The following GPC5 variants were observed in gnomAD, a reference collection of about 807,000 sequenced individuals.
GPC5 encodes glypican 5.
A neutral mutation model predicts 53.9 loss-of-function variants in GPC5; 47 were observed. That is an observed-to-expected ratio of 0.87 (90% CI 0.69 to 1.11). The LOEUF is 1.11. Among genes scored for constraint, GPC5 ranks in the 50% most tolerant of loss-of-function variants. The pLI is 0.00. For synonymous variants in GPC5, 286 were observed against 263.3 expected (o/e 1.09, Z -0.84); for missense variants, 748 against 713.1 (o/e 1.05, Z -0.56).
At chr13:91,548,895 A>G (rs1419450576) in intron 2 of GPC5, among the ~76,000 whole-genome samples, 1 of 152,158 alleles carries the variant, frequency 6.6e-6, no homozygotes, top group Non-Finnish European at 1.5e-5. Context: ...CTGGACATCC[A>G]CATGTGGAAA....
At chr13:92,420,801 T>C (rs1876523787) in intron 7 of GPC5, among the ~76,000 whole-genome samples, 1 of 152,204 alleles carries the variant, frequency 6.6e-6, no homozygotes, top group Non-Finnish European at 1.5e-5. Context: ...GGTCTATCCA[T>C]GTTGTTGGAA....
chr13:92,773,675 A>G (rs1196693295), intron 7 of GPC5, among the ~76,000 whole-genome samples: 2 of 152,186 alleles, frequency 1.3e-5, no homozygotes, highest in African/African-American at 4.8e-5. Flanking sequence ...ACGATGTACT[A>G]ACTAGTTTTC....
At chr13:91,642,758 C>A (rs1397874161) in intron 2 of GPC5, among the ~76,000 whole-genome samples, 1 of 145,014 alleles carries the variant, frequency 6.9e-6, no homozygotes, top group African/African-American at 2.6e-5. Flanking sequence ...ATATTTTATT[C>A]CAAGATTATA....
chr13:92,317,259 C>T (rs1416520438), intron 7 of GPC5, among the ~76,000 whole-genome samples: 1 of 151,948 alleles, frequency 6.6e-6, no homozygotes, highest in African/African-American at 2.4e-5. Flanking sequence ...CCCTAGTGTC[C>T]AGGGGCCATT....
At chr13:92,202,589 A>T (rs2042303165) in intron 7 of GPC5, among the ~76,000 whole-genome samples, 2 of 152,154 alleles carry the variant, frequency 1.3e-5, no homozygotes, top group African/African-American at 4.8e-5. Context: ...AGAACCAAAG[A>T]TTTTCTAATA....
intron 6 of GPC5, among the ~76,000 whole-genome samples, chr13:92,115,447 A>C (rs1250199041): frequency 6.6e-6 from 1 of 152,154 alleles, no homozygotes; most frequent in Admixed American, 6.5e-5. Context: ...CGGAGGTTGC[A>C]GTGAGCTGAG....
At chr13:92,532,525 A>T (rs907148159) in intron 7 of GPC5, among the ~76,000 whole-genome samples, 4 of 152,178 alleles carry the variant, frequency 2.6e-5, no homozygotes, top group African/African-American at 9.6e-5. Context: ...GAAATACAAA[A>T]CACTGTATGT....
At chr13:91,611,969 G>C (rs1195761542) in intron 2 of GPC5, among the ~76,000 whole-genome samples, 1 of 152,112 alleles carries the variant, frequency 6.6e-6, no homozygotes, top group Admixed American at 6.5e-5. Context: ...CGCGTTAATG[G>C]TTTCTGAGCT....
At chr13:92,628,607 C>T (rs1885133296) in intron 7 of GPC5, among the ~76,000 whole-genome samples, 1 of 151,984 alleles carries the variant, frequency 6.6e-6, no homozygotes, top group South Asian at 2.1e-4. Context: ...AACGTGTCCC[C>T]AGCATCACTG....
chr13:91,992,963 CAAAG>C (rs1304066095), intron 6 of GPC5, among the ~76,000 whole-genome samples: 1 of 152,114 alleles, frequency 6.6e-6, no homozygotes, highest in Non-Finnish European at 1.5e-5. Flanking sequence ...AGTTGTAACA[CAAAG>C]GAACAGAGTT....
At chr13:91,666,676 T>A (rs1186583738) in intron 2 of GPC5, among the ~76,000 whole-genome samples, 1 of 152,138 alleles carries the variant, frequency 6.6e-6, no homozygotes, top group Non-Finnish European at 1.5e-5. Flanking sequence ...AAAAGTAAAT[T>A]CTATATTTCT....
chr13:92,391,299 GT>G (rs1414893853), intron 7 of GPC5, among the ~76,000 whole-genome samples: 1 of 152,036 alleles, frequency 6.6e-6, no homozygotes, highest in Non-Finnish European at 1.5e-5. Flanking sequence ...AATTCTATTA[GT>G]TTTGAATTTT....
At chr13:92,203,408 A>G (rs1262540331) in intron 7 of GPC5, among the ~76,000 whole-genome samples, 3 of 136,740 alleles carry the variant, frequency 2.2e-5, no homozygotes, top group African/African-American at 5.6e-5. Flanking sequence ...AACACCACAT[A>G]TTCTCACTCA....
chr13:92,016,696 A>C (rs2040710262), intron 6 of GPC5, among the ~76,000 whole-genome samples: 1 of 151,708 alleles, frequency 6.6e-6, no homozygotes, highest in Non-Finnish European at 1.5e-5. Context: ...ATCCTGTAAA[A>C]TAAAAATGTT....
chr13:92,049,366 T>G (rs1285955032), intron 6 of GPC5, among the ~76,000 whole-genome samples: 1 of 152,132 alleles, frequency 6.6e-6, no homozygotes, highest in Non-Finnish European at 1.5e-5. Flanking sequence ...ATCCCCAAAG[T>G]CAGGAACAGA....
At chr13:91,714,897 A>C (rs2036303337) in intron 3 of GPC5, among the ~76,000 whole-genome samples, 1 of 152,206 alleles carries the variant, frequency 6.6e-6, no homozygotes. Context: ...GCAGTGTTCC[A>C]GGTCCGGGGG....
intron 7 of GPC5, among the ~76,000 whole-genome samples, chr13:92,350,549 G>A (rs1244559988): frequency 6.6e-6 from 1 of 152,102 alleles, no homozygotes; most frequent in African/African-American, 2.4e-5. Context: ...GAAGAATAGC[G>A]AGATTATGGT....
intron 7 of GPC5, among the ~76,000 whole-genome samples, chr13:92,232,412 C>T (rs943183805): frequency 2.0e-5 from 3 of 152,120 alleles, no homozygotes; most frequent in Admixed American, 6.6e-5. Flanking sequence ...TCTTCAAAAA[C>T]CATATAGCAT....
chr13:91,875,827 G>A (rs921510425), intron 5 of GPC5, among the ~76,000 whole-genome samples: 1 of 152,180 alleles, frequency 6.6e-6, no homozygotes, highest in Non-Finnish European at 1.5e-5. Flanking sequence ...CATAGCTACA[G>A]TGCATTGTCA....
Sources: allele counts gnomAD v4.1 joint callset (sites outside exome capture counted in the v4.1 genomes callset), GRCh38; gene constraint gnomAD v4.1.1; transcripts MANE v1.5; gene names NCBI Gene and HGNC (gene_info 2026-07-23, HGNC 2026-07-21).